UBA2: variants seen among roughly 807,000 people sequenced by gnomAD.
The protein encoded by UBA2 is ubiquitin like modifier activating enzyme 2, also known as SUMO-activating enzyme subunit 2.
Under a neutral mutation model 77.2 loss-of-function variants are expected in UBA2, and 11 were observed. The ratio of observed to expected loss-of-function variants is 0.14; its 90% CI spans 0.09 to 0.24. The LOEUF is 0.24. Ranked by LOEUF, UBA2 falls within the 10% of genes least tolerant of loss-of-function variation. The probability of loss-of-function intolerance (pLI) is 1.00; values close to 1 mark genes in which losing one functional copy is unlikely to be tolerated. For missense variants in UBA2, 487 were observed against 781.7 expected, an observed-to-expected ratio of 0.62 and a Z score of 4.50; for synonymous variants, 278 against 276.7, an observed-to-expected ratio of 1.00 and a Z score of -0.05.
At chr19:34,469,001 C>CA (rs774148442) in intron 16 of UBA2, 39 bp from the exon 17 acceptor site, 2 of 1,554,090 alleles carry the variant, frequency 1.3e-6, no homozygotes, top group East Asian at 2.3e-5. Flanking sequence ...AACTCCCACG[C>CA]TTTTACCCAT....
At chr19:34,450,223 TA>T in intron 8 of UBA2, 41 bp from the exon 9 acceptor site, 1 of 1,379,708 alleles carries the variant, frequency 7.2e-7, no homozygotes, top group Non-Finnish European at 1.0e-6. Context: ...TCTTATCAAT[TA>T]GGGATTATGG....
intron 5 of UBA2, among the ~76,000 whole-genome samples, chr19:34,438,245 A>G (rs1396196118): frequency 6.6e-6 from 1 of 151,552 alleles, no homozygotes; most frequent in Non-Finnish European, 1.5e-5. Flanking sequence ...AACACATATA[A>G]GAAAATGGCT....
At chr19:34,457,166 TAAAAA>T (rs569078000) in intron 12 of UBA2, among the ~76,000 whole-genome samples, 2 of 51,038 alleles carry the variant, frequency 3.9e-5, no homozygotes, top group South Asian at 1.2e-3. Flanking sequence ...TGGTCTCTAC[TAAAAA>T]AAAAAAAAAT....
chr19:34,450,730 AT>A (rs1017251647), intron 9 of UBA2, among the ~76,000 whole-genome samples: 50 of 135,432 alleles, frequency 3.7e-4, no homozygotes, highest in African/African-American at 1.3e-3. Context: ...ATTGCTATAT[AT>A]TTATGTATAT....
At chr19:34,447,581 C>G (rs1372845485) in intron 8 of UBA2, among the ~76,000 whole-genome samples, 1 of 152,222 alleles carries the variant, frequency 6.6e-6, no homozygotes, top group East Asian at 1.9e-4. Context: ...TTTTAAACAT[C>G]TGCTGTGTGC....
At chr19:34,454,584 C>T (rs749801328) in intron 12 of UBA2, 28 bp downstream of exon 12, 27 of 1,121,906 alleles carry the variant, frequency 2.4e-5, no homozygotes, top group Middle Eastern at 2.0e-4. Context: ...CATTTTTATG[C>T]AACCCCCCTT....
In UBA2 at chr19:34,449,171, G is replaced by C. The variant is rs184229876; in HGVS notation, c.772-1094G>C. The stretch of plus-strand genomic sequence containing the variant: ...TGCACTCTCCGCCTCCCAGGTTCAA[G>C]CGATTCTCCTGCCTCAGCCTCCCGA... On this transcript the variant is annotated intron_variant, in intron 8 of 16. Transcript: ENST00000246548. Among the ~76,000 whole-genome samples the C allele has an allele frequency of 1.6e-4, 24 of 145,850 alleles. No homozygotes were observed. The East Asian group carries it at 3.3e-3, about 20-fold the overall frequency.
chr19:34,458,182 CAGA>C (rs773581952), intron 12 of UBA2, among the ~76,000 whole-genome samples: 3 of 152,176 alleles, frequency 2.0e-5, no homozygotes, highest in Non-Finnish European at 4.4e-5. Context: ...AATCAGGTTG[CAGA>C]AGAACGCGGA....
At chr19:34,468,492 G>A (rs917138100) in intron 16 of UBA2, among the ~76,000 whole-genome samples, 3 of 152,148 alleles carry the variant, frequency 2.0e-5, no homozygotes, top group Admixed American at 6.6e-5. Context: ...TTTGTTGGAC[G>A]AGGAGATAAA....
At chr19:34,443,053 C>A (rs930989175) in intron 6 of UBA2, among the ~76,000 whole-genome samples, 1 of 152,184 alleles carries the variant, frequency 6.6e-6, no homozygotes, top group African/African-American at 2.4e-5. Context: ...CAGCTTAATA[C>A]TTTCAAATTG....
Position 34,434,853 on chromosome 19 carries a change from T to C in UBA2, c.359-15T>C. ...TTTTTTTCCCAAAAACTCATACTGT[T>C]TGTTTTACTTCCAGCTGCCCGAAAC... is the stretch of plus-strand genomic sequence containing the variant. On this transcript the variant is annotated splice_polypyrimidine_tract_variant and intron_variant, in intron 4 of 16. Transcript: ENST00000246548. 1 of 1,584,148 alleles carries C rather than the reference T, an allele frequency of 6.3e-7. No individual in the cohort carries two copies. Among genetic ancestry groups the C allele is most frequent in the Non-Finnish European group, 8.6e-7 (1 of 1,161,070 alleles).
intron 6 of UBA2, 141 bp from the exon 7 acceptor site, chr19:34,443,703 A>AT (rs2075395176): frequency 1.8e-6 from 1 of 569,518 alleles, no homozygotes; most frequent in Non-Finnish European, 3.1e-6. Context: ...GCCTCCCAAA[A>AT]TGTTGGGATT....
chr19:34,444,033 GTTTTTTTTTTGTTTTTTTTTTT>G, intron 7 of UBA2, 122 bp downstream of exon 7: 1 of 202,742 alleles, frequency 4.9e-6, no homozygotes, highest in South Asian at 1.1e-4. Context: ...TTTAACATGT[GTTTTTTTTTTGTTTTTTTTTTT>G]TTTTTTTTTT....
rs138357093 is a variant in UBA2 at position 34,468,996 on chromosome 19, C to G, written c.1742-44C>G. 6.8e-4 allele frequency: 1,046 copies of G among 1,536,186 alleles called. 3 individuals are homozygous for G. The African/African-American group carries it at 0.012, about 18-fold the overall frequency. ...AAATACAGGTGAGCACAGGTAACTCCCACGCTTTTACCCATTTTCTTTTTC... is the reference window on the plus strand; with the variant it reads ...AAATACAGGTGAGCACAGGTAACTCGCACGCTTTTACCCATTTTCTTTTTC... On this transcript the variant is annotated intron_variant, in intron 16 of 16. Transcript: ENST00000246548.
At chr19:34,455,384 G>T (rs2075546704) in intron 12 of UBA2, among the ~76,000 whole-genome samples, 1 of 152,088 alleles carries the variant, frequency 6.6e-6, no homozygotes, top group Non-Finnish European at 1.5e-5. Context: ...CCTTAGTGGT[G>T]GGTGGGGTAG....
intron 14 of UBA2, among the ~76,000 whole-genome samples, chr19:34,463,430 G>A (rs1025911787): frequency 1.3e-5 from 2 of 152,154 alleles, no homozygotes; most frequent in Non-Finnish European, 2.9e-5. Context: ...CAGTTCTGGA[G>A]GCTGGAACAC....
intron 2 of UBA2, among the ~76,000 whole-genome samples, 192 bp from the exon 3 acceptor site, chr19:34,431,664 GTTATT>G (rs767365980): frequency 6.6e-6 from 1 of 152,106 alleles, no homozygotes; most frequent in Non-Finnish European, 1.5e-5. Flanking sequence ...GGGCTCTCCG[GTTATT>G]TTATAAGTAT....
At chr19:34,431,244 CTTTTTTTTTT>C (rs1184297228) in intron 2 of UBA2, among the ~76,000 whole-genome samples, 1 of 69,388 alleles carries the variant, frequency 1.4e-5, no homozygotes, top group Non-Finnish European at 2.5e-5. Flanking sequence ...ATTTTCTTTT[CTTTTTTTTTT>C]TTTTTTTTTT....
chr19:34,432,088 C>T (rs947931956), intron 3 of UBA2, 157 bp downstream of exon 3: 17 of 511,678 alleles, frequency 3.3e-5, no homozygotes, highest in Non-Finnish European at 5.5e-5. Context: ...TTTACCAGTT[C>T]ATAAATACAT....
Sources: allele counts gnomAD v4.1 joint callset (sites outside exome capture counted in the v4.1 genomes callset), GRCh38; gene constraint gnomAD v4.1.1; transcripts MANE v1.5; gene names NCBI Gene and HGNC (gene_info 2026-07-23, HGNC 2026-07-21).